DCDC1: variants seen among roughly 807,000 people sequenced by gnomAD.
DCDC1 encodes the protein doublecortin domain-containing protein 1.
A neutral mutation model predicts 178.3 loss-of-function variants in DCDC1; 200 were observed. The observed-to-expected ratio is 1.12, with a 90% CI of 1.00 to 1.26. DCDC1 has a LOEUF of 1.26. Ranked by LOEUF, DCDC1 falls within the 50% of genes most tolerant of loss-of-function variation. The pLI is 0.00. For missense variants in DCDC1, 1,983 were observed against 1,749.2 expected, an observed-to-expected ratio of 1.13 and a Z score of -2.38; for synonymous variants, 690 against 604.8, an observed-to-expected ratio of 1.14 and a Z score of -2.07.
intron 21 of DCDC1, among the ~76,000 whole-genome samples, chr11:30,949,187 G>A (rs1948252090): frequency 6.6e-6 from 1 of 152,148 alleles, no homozygotes; most frequent in Admixed American, 6.5e-5. Flanking sequence ...ACCAAAAAGT[G>A]AGCAAAGGAT....
At chr11:31,143,278 T>G (rs1245018904) in intron 9 of DCDC1, among the ~76,000 whole-genome samples, 1 of 152,164 alleles carries the variant, frequency 6.6e-6, no homozygotes, top group Non-Finnish European at 1.5e-5. Context: ...ATACGGGGCA[T>G]TATTAATAAG....
chr11:30,886,464 C>G (rs1943179665), intron 36 of DCDC1, among the ~76,000 whole-genome samples: 1 of 152,096 alleles, frequency 6.6e-6, no homozygotes, highest in East Asian at 1.9e-4. Context: ...GTTCTGGAGT[C>G]TGGGAAGTTG....
intron 11 of DCDC1, among the ~76,000 whole-genome samples, chr11:31,111,852 T>C (rs374109838): frequency 1.3e-5 from 2 of 152,090 alleles, no homozygotes; most frequent in South Asian, 4.1e-4. Flanking sequence ...GGAGTCAGAG[T>C]GCAGCAAATT....
At chr11:31,323,843 AG>A (rs1276379267) in intron 3 of DCDC1, among the ~76,000 whole-genome samples, 1 of 152,158 alleles carries the variant, frequency 6.6e-6, no homozygotes, top group Non-Finnish European at 1.5e-5. Flanking sequence ...CAAAGCACAA[AG>A]TTTTTATTAA....
chr11:31,001,728 A>G (rs1320406758), intron 20 of DCDC1, among the ~76,000 whole-genome samples: 1 of 152,214 alleles, frequency 6.6e-6, no homozygotes, highest in Non-Finnish European at 1.5e-5. Flanking sequence ...ACTTCCAGAC[A>G]AAGTCTGTGT....
At chr11:30,980,316 G>A (rs1178488365) in intron 20 of DCDC1, among the ~76,000 whole-genome samples, 1 of 152,182 alleles carries the variant, frequency 6.6e-6, no homozygotes, top group Non-Finnish European at 1.5e-5. Flanking sequence ...CAAAGGGAGT[G>A]CCCATCTGAC....
At chr11:31,273,824 G>T (rs986665282) in intron 7 of DCDC1, among the ~76,000 whole-genome samples, 3 of 152,130 alleles carry the variant, frequency 2.0e-5, no homozygotes, top group African/African-American at 7.2e-5. Context: ...GTTCCACATG[G>T]CTGGGGAGGC....
chr11:31,169,208 G>C (rs1199515253), intron 9 of DCDC1, among the ~76,000 whole-genome samples: 1 of 152,102 alleles, frequency 6.6e-6, no homozygotes, highest in African/African-American at 2.4e-5. Context: ...ACAGAGAGGG[G>C]AACAACATAC....
At chr11:31,026,288 C>T (rs288461) in intron 20 of DCDC1, among the ~76,000 whole-genome samples, 2 of 151,446 alleles carry the variant, frequency 1.3e-5, no homozygotes, top group Admixed American at 6.6e-5. Context: ...TACATGACAC[C>T]GTACCTTTAC....
At chr11:31,167,632 C>T (rs904759693) in intron 9 of DCDC1, among the ~76,000 whole-genome samples, 1 of 152,160 alleles carries the variant, frequency 6.6e-6, no homozygotes, top group African/African-American at 2.4e-5. Flanking sequence ...TATTTTATTA[C>T]ACCATTCTTT....
In DCDC1 at chr11:30,915,669, C is replaced by A; in HGVS notation, c.3495G>T (p.Gln1165His). The change falls in exon 27 of 39, where the codon CAG (glutamine) becomes CAT (histidine). Residue 1165 changes from glutamine (Q) to histidine (H), a missense_variant. Gln to His is a conservative substitution (Grantham distance 24). Coordinates refer to ENST00000684477, the MANE Select transcript of DCDC1 (RefSeq NM_001387274.1). Reference sequence around the variant, plus strand: ...TCTGCCCATCTCTGTATTCGAACTGCTGATGACAATGCTTGTGCAATTTAC... The same window carrying A: ...TCTGCCCATCTCTGTATTCGAACTGATGATGACAATGCTTGTGCAATTTAC... Reference protein sequence around the residue: ...KHSKLHKHCHQQFEYRDGQII... With the variant: ...KHSKLHKHCHHQFEYRDGQII... 6.2e-7 allele frequency: 1 copy of A among 1,613,906 alleles called. No individual in the cohort carries two copies. Among genetic ancestry groups the A allele is most frequent in the Non-Finnish European group, 8.5e-7 (1 of 1,179,846 alleles).
intron 9 of DCDC1, among the ~76,000 whole-genome samples, chr11:31,168,661 T>C (rs2136207288): frequency 1.3e-5 from 2 of 152,308 alleles, no homozygotes; most frequent in Middle Eastern, 6.8e-3. Flanking sequence ...GCGCTGCTTC[T>C]TCACTTTACC....
At chr11:30,906,291 G>A (rs1945054658) in intron 30 of DCDC1, 1 of 390,656 alleles carries the variant, frequency 2.6e-6, no homozygotes, top group South Asian at 7.0e-5. Flanking sequence ...AGTGAAATAT[G>A]TCAGTAAATG....
At chr11:31,322,243 T>C (rs1192809915) in intron 3 of DCDC1, among the ~76,000 whole-genome samples, 1 of 152,126 alleles carries the variant, frequency 6.6e-6, no homozygotes, top group African/African-American at 2.4e-5. Context: ...CGTGCAAAAA[T>C]GTATCCAAAT....
intron 21 of DCDC1, among the ~76,000 whole-genome samples, chr11:30,948,599 A>G (rs1948209954): frequency 6.6e-6 from 1 of 152,220 alleles, no homozygotes; most frequent in Admixed American, 6.5e-5. Context: ...ACCTGACTTC[A>G]AACTATACTA....
At chr11:30,955,714 G>A (rs1012241429) in intron 20 of DCDC1, among the ~76,000 whole-genome samples, 5 of 151,952 alleles carry the variant, frequency 3.3e-5, no homozygotes, top group African/African-American at 4.8e-5. Context: ...TTTATACCCC[G>A]TAACCTCCCT....
chr11:31,050,808 G>A (rs989404973), intron 20 of DCDC1, among the ~76,000 whole-genome samples: 8 of 152,116 alleles, frequency 5.3e-5, no homozygotes, highest in Non-Finnish European at 1.2e-4. Context: ...AAGGGGGAGA[G>A]TCTACATCAA....
At chr11:30,909,463 T>C (rs562737909) in intron 28 of DCDC1, among the ~76,000 whole-genome samples, 1 of 152,258 alleles carries the variant, frequency 6.6e-6, no homozygotes, top group South Asian at 2.1e-4. Context: ...ACATGAAGGT[T>C]CTTTCTCAAA....
intron 2 of DCDC1, among the ~76,000 whole-genome samples, chr11:31,330,748 T>C (rs909382762): frequency 1.3e-5 from 2 of 152,174 alleles, no homozygotes; most frequent in Admixed American, 1.3e-4. Flanking sequence ...TTCTGTTCCA[T>C]TGGTCTATAT....
Sources: gnomAD v4.1 joint callset for allele counts (sites outside exome capture counted in the v4.1 genomes callset) on GRCh38, gnomAD v4.1.1 for gene constraint, MANE v1.5 for transcripts, NCBI Gene and HGNC (gene_info 2026-07-23, HGNC 2026-07-21) for gene names.